ATP5IF1: variants seen among roughly 807,000 people sequenced by gnomAD.
ATP5IF1 encodes ATPase inhibitor, mitochondrial.
Under a neutral mutation model 8.5 loss-of-function variants are expected in ATP5IF1, and 12 were observed. That is an observed-to-expected ratio of 1.41 (90% CI 0.90 to 2.28). The LOEUF (loss-of-function observed/expected upper bound fraction) is 2.28. Ranked by LOEUF, ATP5IF1 falls within the 30% of genes most tolerant of loss-of-function variation. ATP5IF1 has a pLI of 0.00. For synonymous variants in ATP5IF1, 51 were observed against 53.4 expected, an observed-to-expected ratio of 0.96 and a Z score of 0.19; for missense variants, 154 against 140.2, an observed-to-expected ratio of 1.10 and a Z score of -0.50.
At chr1:28,237,675 G>C in intron 2 of ATP5IF1, 162 bp from the exon 3 acceptor site, 1 of 1,571,046 alleles carries the variant, frequency 6.4e-7, no homozygotes, top group Non-Finnish European at 8.6e-7. Flanking sequence ...CTCAATTTAA[G>C]ATGGGGTATT....
chr1:28,237,706 G>A, intron 2 of ATP5IF1, 131 bp from the exon 3 acceptor site: 1 of 1,607,846 alleles, frequency 6.2e-7, no homozygotes, highest in East Asian at 2.2e-5. Flanking sequence ...TTGAGGAGTA[G>A]AAGAGGATGA....
At chr1:28,236,611 T>TC in intron 2 of ATP5IF1, 159 bp downstream of exon 2, 1 of 1,530,072 alleles carries the variant, frequency 6.5e-7, no homozygotes, top group South Asian at 1.2e-5. Context: ...ACCCTTGATG[T>TC]CCCGACCGTT....
rs1334107599 is a variant in ATP5IF1 at position 28,236,380 on chromosome 1, G to A, written c.107G>A (p.Gly36Asp). The A allele has an allele frequency of 1.2e-6, 2 of 1,614,244 alleles. No individual in the cohort carries two copies. The highest frequency in any genetic ancestry group is 2.2e-5 in the South Asian group (2 of 91,088). ...GSDQSENVDR[G>D]AGSIREAGGA... ...CTGCAGTCCGAGAATGTCGACCGGGGCGCGGGCTCCATCCGGGAAGCCGGT... is the reference window on the plus strand; with the variant it reads ...CTGCAGTCCGAGAATGTCGACCGGGACGCGGGCTCCATCCGGGAAGCCGGT... Residue 36 changes from glycine (G) to aspartate (D), a missense_variant, in exon 2 of 3, where the codon GGC becomes GAC. By Grantham distance (94) the Gly-to-Asp change is moderately conservative (BLOSUM62 -1). Transcript: ENST00000335514.
rs115825196 is a variant in ATP5IF1, at chr1:28,236,395, G to A, written c.122G>A (p.Arg41Gln). 9.9e-6 allele frequency: 16 copies of A among 1,614,214 alleles called. No individual in the cohort carries two copies. The African/African-American group carries it at 2.0e-4, about 20-fold the overall frequency. Residue 41 changes from arginine to glutamine, a missense_variant, in exon 2 of 3, where the codon CGG becomes CAG. Physicochemically the swap from Arg to Gln is conservative, Grantham distance 43. Coordinates refer to ENST00000335514, the MANE Select transcript of ATP5IF1 (RefSeq NM_016311.5). ...GTCGACCGGGGCGCGGGCTCCATCC[G>A]GGAAGCCGGTGGGGCCTTCGGAAAG... is the stretch of plus-strand genomic sequence containing the variant. Reference protein sequence around the residue: ...ENVDRGAGSIREAGGAFGKRE... With the variant: ...ENVDRGAGSIQEAGGAFGKRE...
rs755088538 is a variant in ATP5IF1 at position 28,236,442 on chromosome 1, C to T, written c.169C>T (p.Arg57Ter). The T allele has an allele frequency of 2.4e-5, 38 of 1,614,084 alleles. No individual in the cohort carries two copies. The Admixed American group carries it at 6.0e-4, about 25-fold the overall frequency. The stretch of plus-strand genomic sequence containing the variant: ...AAAGAGAGAGCAGGCTGAAGAGGAA[C>T]GATATTTCCGGTGAGGCTCACCGGG... ...FGKREQAEEE[R>*]YFRAQSREQL... The change falls in exon 2 of 3, where the codon CGA (arginine) becomes TGA (stop). Residue 57 changes from arginine to a stop codon, truncating the protein, a stop_gained. Coordinates refer to ENST00000335514, the MANE Select transcript of ATP5IF1 (RefSeq NM_016311.5). LOFTEE classifies it high-confidence loss of function.
At chr1:28,236,981 G>A (rs1369738538) in intron 2 of ATP5IF1, 2 of 1,041,578 alleles carry the variant, frequency 1.9e-6, no homozygotes, top group East Asian at 8.4e-5. Flanking sequence ...AGCTGGTCAT[G>A]GGAGCTACTT....
Position 28,237,947 on chromosome 1 carries a change from A to G in ATP5IF1, c.290A>G (p.Gln97Arg). 1 of 1,613,010 alleles carries G rather than the reference A, an allele frequency of 6.2e-7. No homozygotes were observed. The highest frequency in any genetic ancestry group is 8.5e-7 in the Non-Finnish European group (1 of 1,179,944). Residue 97 changes from glutamine to arginine, a missense_variant, in exon 3 of 3, where the codon CAG becomes CGG. By Grantham distance (43) the Gln-to-Arg change is conservative (BLOSUM62 1). Coordinates refer to ENST00000335514, the MANE Select transcript of ATP5IF1 (RefSeq NM_016311.5). ...RLQKEIERHK[Q>R]KIKMLKHDD ...CAGAAAGAAATTGAGCGCCATAAGC[A>G]GAAGATCAAAATGCTAAAACATGAT...
chr1:28,237,389 A>G (rs1647047857), intron 2 of ATP5IF1: 8 of 1,069,790 alleles, frequency 7.5e-6, no homozygotes, highest in Non-Finnish European at 5.7e-6. Flanking sequence ...CGCATGCAAG[A>G]GACCCTTTAT....
intron 2 of ATP5IF1, chr1:28,236,822 C>T (rs1449859959): frequency 8.4e-7 from 1 of 1,191,078 alleles, no homozygotes; most frequent in Non-Finnish European, 1.1e-6. Context: ...ACGTTTGCCT[C>T]CCAGCCTGAC....
intron 2 of ATP5IF1, chr1:28,237,306 A>T: frequency 2.0e-6 from 2 of 1,000,478 alleles, no homozygotes; most frequent in Non-Finnish European, 2.4e-6. Context: ...AGGAAAACTG[A>T]GGCCTAAATG....
chr1:28,237,723 A>C, intron 2 of ATP5IF1, 114 bp from the exon 3 acceptor site: 1 of 1,612,424 alleles, frequency 6.2e-7, no homozygotes, highest in Non-Finnish European at 8.5e-7. Context: ...ATGACCAGCT[A>C]GACTCCCATG....
Position 28,237,897 on chromosome 1 carries a change from T to C in ATP5IF1, c.240T>C (p.His80=). Residue 80 remains histidine, a synonymous_variant, in exon 3 of 3, where the codon CAT becomes CAC. Transcript: ENST00000335514. Reference sequence around the variant, plus strand: ...AACACCATGAAGAAGAAATCGTTCATCATAAGAAGGAGATTGAGCGTCTGC... The same window carrying C: ...AACACCATGAAGAAGAAATCGTTCACCATAAGAAGGAGATTGAGCGTCTGC... The part of the protein sequence containing the change: ...LKKHHEEEIV[H]HKKEIERLQK... The C allele has an allele frequency of 6.2e-7, 1 of 1,614,090 alleles. No homozygotes were observed. The highest frequency in any genetic ancestry group is 1.1e-5 in the South Asian group (1 of 91,086).
Position 28,236,148 on chromosome 1 carries a change from T to C in ATP5IF1, c.-36T>C, listed in dbSNP as rs1485096531. The C allele has an allele frequency of 6.2e-7, 1 of 1,608,046 alleles. No individual in the cohort carries two copies. The highest frequency in any genetic ancestry group is 1.1e-5 in the South Asian group (1 of 91,018). Reference sequence around the variant, plus strand: ...TAGCGCGTAACGAGAGACTGCTTGCTGCGGCAGAGACGCCAGAGGTGCAGC... The same window carrying C: ...TAGCGCGTAACGAGAGACTGCTTGCCGCGGCAGAGACGCCAGAGGTGCAGC... On this transcript the variant is annotated 5_prime_UTR_variant, in exon 1 of 3. Coordinates refer to ENST00000335514, the MANE Select transcript of ATP5IF1 (RefSeq NM_016311.5).
chr1:28,236,867 C>A, intron 2 of ATP5IF1: 2 of 1,143,956 alleles, frequency 1.7e-6, no homozygotes, highest in Non-Finnish European at 2.2e-6. Flanking sequence ...ACCCCCTCTA[C>A]GCTCTCCTTC....
intron 2 of ATP5IF1, chr1:28,236,827 C>CCTGA: frequency 8.4e-7 from 1 of 1,188,564 alleles, no homozygotes; most frequent in Non-Finnish European, 1.1e-6. Flanking sequence ...TGCCTCCCAG[C>CCTGA]CTGACTCCCT....
rs1201322911 is a variant in ATP5IF1 at position 28,236,170 on chromosome 1, C to T, written c.-14C>T. 4.3e-6 allele frequency: 7 copies of T among 1,611,756 alleles called. No homozygotes were observed. The highest frequency in any genetic ancestry group is 5.9e-6 in the Non-Finnish European group (7 of 1,179,912). ...TGCTGCGGCAGAGACGCCAGAGGTGCAGCTCCAGCAGCAATGGCAGTGACG... is the reference window on the plus strand; with the variant it reads ...TGCTGCGGCAGAGACGCCAGAGGTGTAGCTCCAGCAGCAATGGCAGTGACG... On this transcript the variant is annotated 5_prime_UTR_variant, in exon 1 of 3. Coordinates refer to ENST00000335514, the MANE Select transcript of ATP5IF1 (RefSeq NM_016311.5).
intron 2 of ATP5IF1, chr1:28,236,756 C>G (rs952229898): frequency 7.7e-7 from 1 of 1,305,912 alleles, no homozygotes; most frequent in Non-Finnish European, 9.8e-7. Flanking sequence ...GAGTTCTCCT[C>G]AGGTCGTGCG....
intron 2 of ATP5IF1, chr1:28,236,865 T>C (rs1192437491): frequency 2.6e-6 from 3 of 1,142,514 alleles, no homozygotes; most frequent in Non-Finnish European, 3.3e-6. Flanking sequence ...TCACCCCCTC[T>C]ACGCTCTCCT....
intron 2 of ATP5IF1, 43 bp downstream of exon 2, chr1:28,236,495 T>A (rs1647037758): frequency 6.2e-7 from 1 of 1,613,578 alleles, no homozygotes; most frequent in African/African-American, 1.3e-5. Context: ...GATCTCCCAA[T>A]GGCCTTCCAA....
Sources: allele counts gnomAD v4.1 joint callset, GRCh38; gene constraint gnomAD v4.1.1; transcripts MANE v1.5; gene names NCBI Gene and HGNC (gene_info 2026-07-23, HGNC 2026-07-21).